The following LDHAL6B variants were observed in gnomAD, a reference collection of about 807,000 sequenced individuals.
LDHAL6B encodes L-lactate dehydrogenase A-like 6B.
For missense variants in LDHAL6B, 523 were observed against 473.9 expected, an observed-to-expected ratio of 1.10 and a Z score of -0.96; for synonymous variants, 205 against 170.6, an observed-to-expected ratio of 1.20 and a Z score of -1.57.
rs12437573 is a variant in LDHAL6B at position 59,207,045 on chromosome 15, C to A, written c.105C>A (p.Arg35=). The A allele has an allele frequency of 2.8e-3, 4,590 of 1,614,248 alleles. 133 individuals are homozygous for A. The East Asian group carries it at 0.059, about 21-fold the overall frequency. ...CCCTGTGTCCGCGTCAAGCAACGCG[C>A]ATCCCGCTCAACGGCACCTGGCTCT... ...GMALCPRQAT[R]IPLNGTWLFT... Residue 35 remains arginine, a synonymous_variant, in exon 1 of 1, where the codon CGC becomes CGA. Transcript: ENST00000307144.
chr15:59,208,011 G>A lies in LDHAL6B; in HGVS notation c.1071G>A (p.Leu357=). The A allele has an allele frequency of 1.2e-6, 2 of 1,607,268 alleles. No homozygotes were observed. The highest frequency in any genetic ancestry group is 1.7e-6 in the Non-Finnish European group (2 of 1,178,430). Reference sequence around the variant, plus strand: ...TTACCAACCTTATAAAGATAAAGCTGACCCCTGAAGAAGAGGCCCATCTGA... The same window carrying A: ...TTACCAACCTTATAAAGATAAAGCTAACCCCTGAAGAAGAGGCCCATCTGA... ...NGITNLIKIK[L]TPEEEAHLKK... is the part of the protein sequence containing the mutation. The change falls in exon 1 of 1, where the codon CTG becomes CTA. Residue 357 remains leucine (L), a synonymous_variant. Transcript: ENST00000307144.
In LDHAL6B at chr15:59,207,776, T is replaced by A; in HGVS notation, c.836T>A (p.Val279Asp). The A allele has an allele frequency of 2.5e-6, 4 of 1,614,156 alleles. No individual in the cohort carries two copies. Among genetic ancestry groups the A allele is most frequent in the Non-Finnish European group, 3.4e-6 (4 of 1,180,036 alleles). ...AAAGATCCTGAGCAATGGAAAAATG[T>A]CCACAAAGAAGTGACTGCAACTGCC... Reference protein sequence around the residue: ...TDKDPEQWKNVHKEVTATAYE... With the variant: ...TDKDPEQWKNDHKEVTATAYE... Residue 279 changes from valine (V) to aspartate (D), a missense_variant, in exon 1 of 1, where the codon GTC becomes GAC. By Grantham distance (152) the Val-to-Asp change is radical. Coordinates refer to ENST00000307144, the MANE Select transcript of LDHAL6B (RefSeq NM_033195.3).
In LDHAL6B at chr15:59,207,506, TGGA is replaced by T; in HGVS notation, c.567_569del (p.Asp190del). Reference sequence around the variant, plus strand: ...AAACTGATTATTGTTTCCAATCCAGTGGATATCTTAACTTATGTAGCTTGGAAG... The same window carrying T: ...AAACTGATTATTGTTTCCAATCCAGTTATCTTAACTTATGTAGCTTGGAAG... On this transcript the variant is annotated inframe_deletion, in exon 1 of 1. Transcript: ENST00000307144. 1.2e-6 allele frequency: 2 copies of T among 1,613,980 alleles called. No homozygotes were observed. The highest frequency in any genetic ancestry group is 1.7e-6 in the Non-Finnish European group (2 of 1,179,902).
At position 59,207,091 on chromosome 15, in the gene LDHAL6B, G is replaced by A. The variant is rs1294180744; in HGVS notation, c.151G>A (p.Ala51Thr). 5.0e-6 allele frequency: 8 copies of A among 1,614,120 alleles called. No individual in the cohort carries two copies. In the African/African-American group the frequency reaches 9.3e-5, roughly 19 times the overall value. The change falls in exon 1 of 1, where the codon GCG becomes ACG. Residue 51 changes from alanine to threonine, a missense_variant. Physicochemically the swap from Ala to Thr is moderately conservative, Grantham distance 58. Transcript: ENST00000307144. ...GCTCTTCACCCCCGTGAGCAAGATG[G>A]CGACTGTGAAGAGTGAGCTTATTGA... is the stretch of plus-strand genomic sequence containing the variant. ...TWLFTPVSKMATVKSELIERF... is the reference protein window; with the variant it reads ...TWLFTPVSKMTTVKSELIERF...
chr15:59,207,245 T>C lies in LDHAL6B; in HGVS notation c.305T>C (p.Leu102Pro), dbSNP rs773984286. The change falls in exon 1 of 1, where the codon CTT (leucine) becomes CCT (proline). Residue 102 changes from leucine (L) to proline (P), a missense_variant. Transcript: ENST00000307144. ...AGTGATGAACTTGCCCTTGTGGATCTTGATGAAGACAAACTGAAGGGTGAG... is the reference window on the plus strand; with the variant it reads ...AGTGATGAACTTGCCCTTGTGGATCCTGATGAAGACAAACTGAAGGGTGAG... ...GLSDELALVD[L>P]DEDKLKGETM... 6.2e-7 allele frequency: 1 copy of C among 1,614,232 alleles called. No homozygotes were observed. Among genetic ancestry groups the C allele is most frequent in the Admixed American group, 1.7e-5 (1 of 60,026 alleles).
rs1596365902 is a variant in LDHAL6B, at chr15:59,207,972, G to A, written c.1032G>A (p.Leu344=). The change falls in exon 1 of 1, where the codon CTG becomes CTA. Residue 344 remains leucine, a synonymous_variant. Coordinates refer to ENST00000307144, the MANE Select transcript of LDHAL6B (RefSeq NM_033195.3). ...EEVFLSIPCI[L]GENGITNLIK... ...TATTCCTCAGTATTCCTTGTATCCT[G>A]GGAGAGAACGGTATTACCAACCTTA... 2.5e-6 allele frequency: 4 copies of A among 1,614,042 alleles called. No individual in the cohort carries two copies. Among genetic ancestry groups the A allele is most frequent in the South Asian group, 2.2e-5 (2 of 91,062 alleles).
chr15:59,207,025 T>A lies in LDHAL6B; in HGVS notation c.85T>A (p.Cys29Ser). 2 of 1,614,252 alleles carry A rather than the reference T, an allele frequency of 1.2e-6. No individual in the cohort carries two copies. The highest frequency in any genetic ancestry group is 1.7e-6 in the Non-Finnish European group (2 of 1,180,030). Reference sequence around the variant, plus strand: ...TTTCCTATGCCTGGGGATGGCCCTGTGTCCGCGTCAAGCAACGCGCATCCC... The same window carrying A: ...TTTCCTATGCCTGGGGATGGCCCTGAGTCCGCGTCAAGCAACGCGCATCCC... Reference protein sequence around the residue: ...ANFLCLGMALCPRQATRIPLN... With the variant: ...ANFLCLGMALSPRQATRIPLN... The change falls in exon 1 of 1, where the codon TGT becomes AGT. Residue 29 changes from cysteine to serine, a missense_variant. Transcript: ENST00000307144.
In LDHAL6B at chr15:59,207,895, A is replaced by C. The variant is rs767328711; in HGVS notation, c.955A>C (p.Ile319Leu). 1.9e-6 allele frequency: 3 copies of C among 1,614,212 alleles called. No homozygotes were observed. In the South Asian group the frequency reaches 3.3e-5, roughly 18 times the overall value. ...TESILKNLRR[I>L]HPVSTIIKGL... ...AAGTATTTTGAAGAATCTTAGGAGA[A>C]TACATCCAGTTTCCACCATAATTAA... is the stretch of plus-strand genomic sequence containing the variant. The change falls in exon 1 of 1, where the codon ATA becomes CTA. Residue 319 changes from isoleucine (I) to leucine (L), a missense_variant. Ile to Leu is a conservative substitution (Grantham distance 5). Transcript: ENST00000307144.
Position 59,206,858 on chromosome 15 carries a change from C to T in LDHAL6B, c.-83C>T, listed in dbSNP as rs1163410223. 1.4e-6 allele frequency: 2 copies of T among 1,423,340 alleles called. No homozygotes were observed. The highest frequency in any genetic ancestry group is 2.8e-5 in the African/African-American group (2 of 70,242). 88.2% of individuals were successfully genotyped at this position (1,423,340 alleles called of 1,614,324 possible). A position where few individuals can be genotyped will look rare whatever the true frequency, so the allele number is the denominator to read the frequency against. On this transcript the variant is annotated 5_prime_UTR_variant, in exon 1 of 1. Coordinates refer to ENST00000307144, the MANE Select transcript of LDHAL6B (RefSeq NM_033195.3). ...CACCTGCCGTAGAGTGCTGAAGGTC[C>T]TGCCAACGGCTCTCTTGGCGTCTCA...
Position 59,208,163 on chromosome 15 carries a change from C to G in LDHAL6B, c.*77C>G, listed in dbSNP as rs187925286. The stretch of plus-strand genomic sequence containing the variant: ...ATTATATAACGAAATTTTGAATAAA[C>G]TTGAATTCCTAAAAGATGGAAACAG... On this transcript the variant is annotated 3_prime_UTR_variant, in exon 1 of 1. Transcript: ENST00000307144. 1 of 1,297,836 alleles carries G rather than the reference C, an allele frequency of 7.7e-7. No individual in the cohort carries two copies. The highest frequency in any genetic ancestry group is 2.4e-5 in the East Asian group (1 of 41,864). The allele number at this position is 1,297,836 out of a possible 1,614,324, so 80.4% of individuals were successfully genotyped here. A position where few individuals can be genotyped will look rare whatever the true frequency, so the allele number is the denominator to read the frequency against.
rs766463782 is a variant in LDHAL6B, at chr15:59,206,965, C to T, written c.25C>T (p.Arg9Trp). The change falls in exon 1 of 1, where the codon CGG becomes TGG. Residue 9 changes from arginine to tryptophan, a missense_variant. Coordinates refer to ENST00000307144, the MANE Select transcript of LDHAL6B (RefSeq NM_033195.3). ...CATGAGTTGGACTGTGCCTGTTGTG[C>T]GGGCCAGCCAGAGAGTGAGCTCGGT... is the stretch of plus-strand genomic sequence containing the variant. MSWTVPVV[R>W]ASQRVSSVGA... The T allele has an allele frequency of 1.9e-6, 3 of 1,613,482 alleles. No homozygotes were observed. Among genetic ancestry groups the T allele is most frequent in the East Asian group, 2.2e-5 (1 of 44,880 alleles).
At position 59,208,148 on chromosome 15, in the gene LDHAL6B, G is replaced by A. The variant is rs1436961997; in HGVS notation, c.*62G>A. On this transcript the variant is annotated 3_prime_UTR_variant, in exon 1 of 1. Transcript: ENST00000307144. ...GATCATAGATACAGGATTATATAAC[G>A]AAATTTTGAATAAACTTGAATTCCT... The A allele has an allele frequency of 7.9e-6, 11 of 1,399,610 alleles. No homozygotes were observed. Among genetic ancestry groups the A allele is most frequent in the East Asian group, 2.3e-5 (1 of 42,562 alleles). The allele number at this position is 1,399,610 out of a possible 1,614,324, so 86.7% of individuals were successfully genotyped here.
chr15:59,207,290 G>C lies in LDHAL6B; in HGVS notation c.350G>C (p.Gly117Ala). ...LKGETMDLQH[G>A]SPFTKMPNIV... Reference sequence around the variant, plus strand: ...GGTGAGACGATGGATCTTCAACATGGCAGCCCTTTCACGAAAATGCCAAAT... The same window carrying C: ...GGTGAGACGATGGATCTTCAACATGCCAGCCCTTTCACGAAAATGCCAAAT... Residue 117 changes from glycine to alanine, a missense_variant, in exon 1 of 1, where the codon GGC (glycine) becomes GCC (alanine). Transcript: ENST00000307144. The C allele has an allele frequency of 3.1e-6, 5 of 1,614,128 alleles. No individual in the cohort carries two copies. The highest frequency in any genetic ancestry group is 4.2e-6 in the Non-Finnish European group (5 of 1,180,008).
In LDHAL6B at chr15:59,208,456, A is replaced by G; in HGVS notation, c.*370A>G. On this transcript the variant is annotated 3_prime_UTR_variant, in exon 1 of 1. Transcript: ENST00000307144. The stretch of plus-strand genomic sequence containing the variant: ...CTGGTTTATACCTATGTTCATTTAT[A>G]TGCTGTAAAAAAGTAGTAGCTTCTT... The G allele has an allele frequency of 1.6e-6, 1 of 619,126 alleles. No individual in the cohort carries two copies. The highest frequency in any genetic ancestry group is 2.9e-6 in the Non-Finnish European group (1 of 346,276). The allele number at this position is 619,126 out of a possible 1,614,324, so 38.4% of individuals were successfully genotyped here. A position where few individuals can be genotyped will look rare whatever the true frequency, so the allele number is the denominator to read the frequency against.
rs1371716081 is a variant in LDHAL6B at position 59,207,074 on chromosome 15, C to T, written c.134C>T (p.Thr45Ile). 3.2e-5 allele frequency: 51 copies of T among 1,614,088 alleles called. No individual in the cohort carries two copies. The highest frequency in any genetic ancestry group is 4.2e-5 in the Non-Finnish European group (49 of 1,180,018). The change falls in exon 1 of 1, where the codon ACC (threonine) becomes ATC (isoleucine). Residue 45 changes from threonine (T) to isoleucine (I), a missense_variant. Coordinates refer to ENST00000307144, the MANE Select transcript of LDHAL6B (RefSeq NM_033195.3). ...RIPLNGTWLF[T>I]PVSKMATVKS... ...CCGCTCAACGGCACCTGGCTCTTCA[C>T]CCCCGTGAGCAAGATGGCGACTGTG... is the stretch of plus-strand genomic sequence containing the variant.
Position 59,207,120 on chromosome 15 carries a change from T to C in LDHAL6B, c.180T>C (p.Arg60=). ...MATVKSELIE[R]FTSEKPVHHS... is the part of the protein sequence containing the mutation. ...CTGTGAAGAGTGAGCTTATTGAGCG[T>C]TTCACTTCCGAGAAGCCCGTTCATC... Residue 60 remains arginine (R), a synonymous_variant, in exon 1 of 1, where the codon CGT becomes CGC. Coordinates refer to ENST00000307144, the MANE Select transcript of LDHAL6B (RefSeq NM_033195.3). 6.2e-7 allele frequency: 1 copy of C among 1,614,192 alleles called. No homozygotes were observed. Among genetic ancestry groups the C allele is most frequent in the South Asian group, 1.1e-5 (1 of 91,082 alleles).
Position 59,208,527 on chromosome 15 carries a change from A to G in LDHAL6B, c.*441A>G. 1.1e-6 allele frequency: 1 copy of G among 917,518 alleles called. No homozygotes were observed. The highest frequency in any genetic ancestry group is 1.7e-6 in the Non-Finnish European group (1 of 575,254). The allele number at this position is 917,518 out of a possible 1,614,324, so 56.8% of individuals were successfully genotyped here. A position where few individuals can be genotyped will look rare whatever the true frequency, so the allele number is the denominator to read the frequency against. ...TACATACAAAAAAATGCAGTAGTAT[A>G]TACAATCTTTTGTTTTGCTTCCTTT... On this transcript the variant is annotated 3_prime_UTR_variant, in exon 1 of 1. Transcript: ENST00000307144.
At position 59,206,912 on chromosome 15, in the gene LDHAL6B, C is replaced by T. The variant is rs1325176777; in HGVS notation, c.-29C>T. 2 of 1,586,504 alleles carry T rather than the reference C, an allele frequency of 1.3e-6. No individual in the cohort carries two copies. The highest frequency in any genetic ancestry group is 1.8e-5 in the Admixed American group (1 of 56,570). On this transcript the variant is annotated 5_prime_UTR_variant, in exon 1 of 1. Coordinates refer to ENST00000307144, the MANE Select transcript of LDHAL6B (RefSeq NM_033195.3). The stretch of plus-strand genomic sequence containing the variant: ...TTCGGATCAGCAGCTTTTTTCCATT[C>T]TCTCTCTCCACTTCTTCAGTGAGCA...
Position 59,207,598 on chromosome 15 carries a change from C to A in LDHAL6B, c.658C>A (p.Arg220Ser), listed in dbSNP as rs140321095. 1 of 1,614,084 alleles carries A rather than the reference C, an allele frequency of 6.2e-7. No individual in the cohort carries two copies. Among genetic ancestry groups the A allele is most frequent in the East Asian group, 2.2e-5 (1 of 44,882 alleles). Residue 220 changes from arginine (R) to serine (S), a missense_variant, in exon 1 of 1, where the codon CGT becomes AGT. Physicochemically the swap from Arg to Ser is moderately radical, Grantham distance 110. Coordinates refer to ENST00000307144, the MANE Select transcript of LDHAL6B (RefSeq NM_033195.3). ...SGCNLDTARF[R>S]FLIGQKLGIH... ...CTGTAATCTGGATACTGCTCGTTTT[C>A]GTTTCTTGATTGGACAAAAGCTTGG...
Sources: gnomAD v4.1 joint callset for allele counts on GRCh38, gnomAD v4.1.1 for gene constraint, MANE v1.5 for transcripts, NCBI Gene and HGNC (gene_info 2026-07-23, HGNC 2026-07-21) for gene names.